The following CSRNP3 variants were observed in gnomAD, a reference collection of about 807,000 sequenced individuals.
CSRNP3 encodes cysteine and serine rich nuclear protein 3, also known as cysteine/serine-rich nuclear protein 3.
CSRNP3 carries 12 observed loss-of-function variants against 48.0 expected under a neutral mutation model. That is an observed-to-expected ratio of 0.25 (90% CI 0.16 to 0.41). CSRNP3 has a LOEUF of 0.41. Among genes scored for constraint, CSRNP3 ranks in the 10% least tolerant of loss-of-function variants. The probability of loss-of-function intolerance (pLI) is 1.00; values close to 1 mark genes in which losing one functional copy is unlikely to be tolerated. For missense variants in CSRNP3, 580 were observed against 724.4 expected (o/e 0.80, Z 2.29); for synonymous variants, 263 against 269.7 (o/e 0.98, Z 0.24).
chr2:165,553,329 A>G (rs912131229), intron 3 of CSRNP3, among the ~76,000 whole-genome samples: 9 of 152,104 alleles, frequency 5.9e-5, no homozygotes, highest in African/African-American at 1.9e-4. Flanking sequence ...CTATCATTGT[A>G]ATCACTTCCT....
At chr2:165,478,611 C>T (rs1684000481) in intron 1 of CSRNP3, among the ~76,000 whole-genome samples, 1 of 152,162 alleles carries the variant, frequency 6.6e-6, no homozygotes, top group Admixed American at 6.5e-5. Flanking sequence ...ATTTATTGAA[C>T]ATTTCTTGAA....
chr2:165,666,679 GAGAGAGTGGTGTTA>G lies in CSRNP3; in HGVS notation c.408+8666_408+8679del, dbSNP rs1220805293. Among the ~76,000 whole-genome samples, 29 of 56,568 alleles carry G rather than the reference GAGAGAGTGGTGTTA, an allele frequency of 5.1e-4. 2 individuals carry two copies. Among genetic ancestry groups the G allele is most frequent in the African/African-American group, 1.7e-3 (27 of 16,028 alleles). The allele number at this position is 56,568 out of a possible 152,430, so 37.1% of individuals were successfully genotyped here. On this transcript the variant is annotated intron_variant, in intron 5 of 6. Coordinates refer to ENST00000651982, the MANE Select transcript of CSRNP3 (RefSeq NM_001172173.2). ...AGAAAAGAGAGAGGAAGGAAGGAAA[GAGAGAGTGGTGTTA>G]AGAGAGAGAGAAAGGAAGGAAGGAA...
intron 3 of CSRNP3, among the ~76,000 whole-genome samples, chr2:165,567,698 G>GT (rs1250701016): frequency 6.6e-6 from 1 of 151,756 alleles, no homozygotes; most frequent in Non-Finnish European, 1.5e-5. Flanking sequence ...AAAATTATCT[G>GT]TTTTTTATCT....
At chr2:165,478,027 A>G (rs2390262) in intron 1 of CSRNP3, among the ~76,000 whole-genome samples, 54,569 of 150,520 alleles carry the variant, frequency 0.36, 9,887 homozygotes, top group African/African-American at 0.42. Flanking sequence ...AAGAAGAGAG[A>G]GAGGGAAAGG....
chr2:165,656,456 A>C (rs1199063082), intron 4 of CSRNP3, among the ~76,000 whole-genome samples: 1 of 152,150 alleles, frequency 6.6e-6, no homozygotes, highest in East Asian at 1.9e-4. Flanking sequence ...TTGATATGTT[A>C]ATTAGTTTGA....
intron 1 of CSRNP3, among the ~76,000 whole-genome samples, chr2:165,477,701 G>T (rs549326413): frequency 6.6e-6 from 1 of 150,602 alleles, no homozygotes; most frequent in East Asian, 2.0e-4. Context: ...GGTAGGCCAG[G>T]CATGGTGGCT....
At chr2:165,614,505 C>A (rs12471746) in intron 4 of CSRNP3, among the ~76,000 whole-genome samples, 80,858 of 151,964 alleles carry the variant, frequency 0.53, 21,980 homozygotes, top group Admixed American at 0.61. Context: ...GTCTTTTTCC[C>A]GTTTTTAGAG....
intron 4 of CSRNP3, among the ~76,000 whole-genome samples, chr2:165,651,169 T>A (rs576472495): frequency 1.8e-4 from 27 of 152,362 alleles, no homozygotes; most frequent in Middle Eastern, 3.4e-3. Flanking sequence ...TCTGTGTGCA[T>A]GCAGAGATGG....
At chr2:165,656,546 TA>T (rs891097618) in intron 4 of CSRNP3, among the ~76,000 whole-genome samples, 25 of 152,134 alleles carry the variant, frequency 1.6e-4, no homozygotes, top group Admixed American at 8.5e-4. Flanking sequence ...ATTTGTCAAT[TA>T]AAAAAATAAG....
At chr2:165,527,188 C>G (rs77628865) in intron 3 of CSRNP3, among the ~76,000 whole-genome samples, 2 of 147,138 alleles carry the variant, frequency 1.4e-5, no homozygotes, top group Admixed American at 1.4e-4. Flanking sequence ...TAAAGTATGA[C>G]GCTGTTTGTA....
At chr2:165,498,815 A>G (rs376455780) in intron 2 of CSRNP3, among the ~76,000 whole-genome samples, 7 of 152,134 alleles carry the variant, frequency 4.6e-5, no homozygotes, top group African/African-American at 1.7e-4. Context: ...GATCCAAAAT[A>G]CATCATAGAA....
intron 2 of CSRNP3, among the ~76,000 whole-genome samples, chr2:165,504,311 TCA>T (rs1446617641): frequency 6.6e-6 from 1 of 152,000 alleles, no homozygotes. Context: ...CATTTAATCC[TCA>T]CAAAACAACA....
intron 4 of CSRNP3, among the ~76,000 whole-genome samples, chr2:165,642,854 G>A (rs149666722): frequency 3.3e-5 from 5 of 152,222 alleles, no homozygotes; most frequent in South Asian, 2.1e-4. Flanking sequence ...GAGCCACCAC[G>A]CCCAGCTTGC....
intron 4 of CSRNP3, among the ~76,000 whole-genome samples, chr2:165,620,757 C>T (rs1381878601): frequency 6.6e-6 from 1 of 151,950 alleles, no homozygotes; most frequent in Non-Finnish European, 1.5e-5. Flanking sequence ...TAAGGTGCCT[C>T]CTAATTTAGT....
At chr2:165,648,203 G>A (rs1041466194) in intron 4 of CSRNP3, among the ~76,000 whole-genome samples, 7 of 152,100 alleles carry the variant, frequency 4.6e-5, no homozygotes, top group Non-Finnish European at 1.0e-4. Flanking sequence ...AATTCATGAT[G>A]CCTAGTTCTA....
chr2:165,573,226 C>A (rs1206363046), intron 3 of CSRNP3, among the ~76,000 whole-genome samples: 1 of 151,708 alleles, frequency 6.6e-6, no homozygotes, highest in Non-Finnish European at 1.5e-5. Flanking sequence ...TTGCACAAAA[C>A]CTTTTATTTT....
Position 165,680,131 on chromosome 2 carries a change from A to G in CSRNP3, c.*378A>G, listed in dbSNP as rs1448653337. The G allele has an allele frequency of 1.7e-5, 3 of 173,206 alleles. No homozygotes were observed. The highest frequency in any genetic ancestry group is 4.7e-5 in the African/African-American group (2 of 42,314). The allele number at this position is 173,206 out of a possible 1,614,324, so 10.7% of individuals were successfully genotyped here. ...GGGAAATAATAAGATTTAGAGTCCTAATTTTCAATATATCTGAAGATAATG... is the reference window on the plus strand; with the variant it reads ...GGGAAATAATAAGATTTAGAGTCCTGATTTTCAATATATCTGAAGATAATG... On this transcript the variant is annotated 3_prime_UTR_variant, in exon 7 of 7. Coordinates refer to ENST00000651982, the MANE Select transcript of CSRNP3 (RefSeq NM_001172173.2).
At chr2:165,632,334 C>A (rs1346603249) in intron 4 of CSRNP3, among the ~76,000 whole-genome samples, 6 of 152,022 alleles carry the variant, frequency 3.9e-5, no homozygotes, top group African/African-American at 1.5e-4. Flanking sequence ...CCAGCCTGGG[C>A]AACAGAGCAA....
At chr2:165,533,276 A>G (rs1263762183) in intron 3 of CSRNP3, among the ~76,000 whole-genome samples, 3 of 152,098 alleles carry the variant, frequency 2.0e-5, no homozygotes, top group Non-Finnish European at 4.4e-5. Context: ...AAAATATGGC[A>G]TGAATAACAG....
Sources: allele counts gnomAD v4.1 joint callset (sites outside exome capture counted in the v4.1 genomes callset), GRCh38; gene constraint gnomAD v4.1.1; transcripts MANE v1.5; gene names NCBI Gene and HGNC (gene_info 2026-07-23, HGNC 2026-07-21).